The following NFIB variants were observed in gnomAD, a reference collection of about 807,000 sequenced individuals.
The protein encoded by NFIB is nuclear factor 1 B-type.
Under a neutral mutation model 61.5 loss-of-function variants are expected in NFIB, and 11 were observed. The ratio of observed to expected loss-of-function variants is 0.18; its 90% CI spans 0.11 to 0.30. NFIB has a LOEUF of 0.30. Ranked by LOEUF, NFIB falls within the 10% of genes least tolerant of loss-of-function variation. The pLI is 1.00. For missense variants in NFIB, 471 were observed against 608.9 expected, an observed-to-expected ratio of 0.77 and a Z score of 2.38; for synonymous variants, 260 against 216.5, an observed-to-expected ratio of 1.20 and a Z score of -1.76.
intron 1 of NFIB, among the ~76,000 whole-genome samples, chr9:14,319,219 G>A (rs1287676167): frequency 6.6e-6 from 1 of 150,468 alleles, no homozygotes; most frequent in Non-Finnish European, 1.5e-5. Flanking sequence ...CCCACTAAGT[G>A]TGTCTACATT....
intron 2 of NFIB, among the ~76,000 whole-genome samples, chr9:14,286,368 T>C (rs1304586143): frequency 6.6e-6 from 1 of 152,136 alleles, no homozygotes; most frequent in Non-Finnish European, 1.5e-5. Context: ...TCCAACCTCC[T>C]GCAAAAAAAG....
the NFIB span, among the ~76,000 whole-genome samples, chr9:14,504,064 T>C: frequency 1.3e-5 from 2 of 152,212 alleles, no homozygotes; most frequent in Admixed American, 6.5e-5. Context: ...ACACCATTTG[T>C]TGAATATGAT....
At chr9:14,259,614 T>C (rs1039054187) in intron 2 of NFIB, among the ~76,000 whole-genome samples, 4 of 152,098 alleles carry the variant, frequency 2.6e-5, no homozygotes, top group Non-Finnish European at 5.9e-5. Flanking sequence ...TTAAAAGGTA[T>C]TGGTGGCCGG....
In NFIB at chr9:14,083,535, A is replaced by G. The variant is rs2032372759; in HGVS notation, c.*4774T>C. On this transcript the variant is annotated 3_prime_UTR_variant, in exon 11 of 11. Transcript: ENST00000380953. ...AGAAACCCAATTTCTTAAAGTCCAG[A>G]AAGCATGCAGCTGGTTAATGTTAAC... The G allele has an allele frequency of 4.4e-6, 1 of 226,986 alleles. No homozygotes were observed. The highest frequency in any genetic ancestry group is 1.8e-4 in the South Asian group (1 of 5,488). 14.1% of individuals were successfully genotyped at this position (226,986 alleles called of 1,614,324 possible). A position where few individuals can be genotyped will look rare whatever the true frequency, so the allele number is the denominator to read the frequency against.
chr9:14,524,680 T>C, the NFIB span, among the ~76,000 whole-genome samples: 8 of 152,316 alleles, frequency 5.3e-5, no homozygotes, highest in Non-Finnish European at 1.2e-4. Context: ...TAGCAGTGCA[T>C]TGTTATCTGA....
chr9:14,426,473 A>T, the NFIB span, among the ~76,000 whole-genome samples: 1 of 152,106 alleles, frequency 6.6e-6, no homozygotes, highest in African/African-American at 2.4e-5. Context: ...TCATTGTTGT[A>T]TCTTCATGTT....
chr9:14,260,981 C>G (rs959415798), intron 2 of NFIB, among the ~76,000 whole-genome samples: 1 of 57,626 alleles, frequency 1.7e-5, no homozygotes, highest in Non-Finnish European at 4.0e-5. Flanking sequence ...TTGGTGGAAT[C>G]CAGGAAAGGA....
intron 2 of NFIB, among the ~76,000 whole-genome samples, chr9:14,248,661 G>A (rs1053319991): frequency 2.0e-5 from 3 of 152,128 alleles, no homozygotes; most frequent in East Asian, 1.9e-4. Flanking sequence ...GGTGTCTCGT[G>A]ATCCTCCTCT....
chr9:14,399,308 G>A (rs73419691), upstream of NFIB, among the ~76,000 whole-genome samples: 2,296 of 152,252 alleles, frequency 0.015, 70 homozygotes, highest in African/African-American at 0.051. Flanking sequence ...TGGAATAATA[G>A]GACACGATGT....
At chr9:14,247,448 T>C (rs773683984) in intron 2 of NFIB, among the ~76,000 whole-genome samples, 2 of 152,074 alleles carry the variant, frequency 1.3e-5, no homozygotes, top group Non-Finnish European at 2.9e-5. Flanking sequence ...ATCCCTGACC[T>C]AGAAAAAAGG....
the NFIB span, among the ~76,000 whole-genome samples, chr9:14,466,443 C>T: frequency 3.4e-5 from 5 of 147,164 alleles, no homozygotes; most frequent in Admixed American, 2.0e-4. Flanking sequence ...CACTCTGGAT[C>T]GCACCATCCT....
At chr9:14,442,046 G>A in the NFIB span, among the ~76,000 whole-genome samples, 32 of 152,212 alleles carry the variant, frequency 2.1e-4, no homozygotes, top group Admixed American at 1.8e-3. Flanking sequence ...GAGAACCTTC[G>A]GTATGATTTT....
At chr9:14,485,700 C>A in the NFIB span, among the ~76,000 whole-genome samples, 1 of 152,076 alleles carries the variant, frequency 6.6e-6, no homozygotes, top group Non-Finnish European at 1.5e-5. Flanking sequence ...CATGCTGAAA[C>A]CCCATCTCTA....
intron 2 of NFIB, among the ~76,000 whole-genome samples, chr9:14,228,485 A>C (rs1343156023): frequency 6.6e-6 from 1 of 152,132 alleles, no homozygotes; most frequent in East Asian, 1.9e-4. Flanking sequence ...TCCGGCCACG[A>C]TTCTTAATAG....
Position 14,245,780 on chromosome 9 carries a change from C to T in NFIB, c.562+61209G>A, listed in dbSNP as rs1039656640. Among the ~76,000 whole-genome samples the T allele has an allele frequency of 7.2e-5, 11 of 151,864 alleles. No homozygotes were observed. In the South Asian group the frequency reaches 8.3e-4, roughly 11 times the overall value. On this transcript the variant is annotated intron_variant, in intron 2 of 10. Transcript: ENST00000380953. ...CCCAGCTACTTGGGAGGCTGAGGCA[C>T]GAGAATCGCTTGAACCCGGGAGGCA...
At chr9:14,102,764 A>ATT (rs2035967533) in intron 10 of NFIB, among the ~76,000 whole-genome samples, 1 of 152,256 alleles carries the variant, frequency 6.6e-6, no homozygotes, top group Admixed American at 6.5e-5. Flanking sequence ...TGCTTAGAAC[A>ATT]TAACAATTAG....
chr9:14,095,710 A>T (rs981385800), intron 10 of NFIB, among the ~76,000 whole-genome samples: 5 of 152,196 alleles, frequency 3.3e-5, no homozygotes, highest in African/African-American at 1.2e-4. Flanking sequence ...TAAAAGCAAA[A>T]ATCAGCATTA....
At chr9:14,197,763 C>T (rs1462532818) in intron 2 of NFIB, among the ~76,000 whole-genome samples, 2 of 152,040 alleles carry the variant, frequency 1.3e-5, no homozygotes, top group Non-Finnish European at 2.9e-5. Flanking sequence ...GAGGCTGCAG[C>T]GCTTTAGCAA....
chr9:14,233,421 CTT>C (rs766595252), intron 2 of NFIB, among the ~76,000 whole-genome samples: 10,405 of 108,702 alleles, frequency 0.096, 529 homozygotes, highest in South Asian at 0.16. Flanking sequence ...TGCTATTATT[CTT>C]TTTTTTTTTT....
Sources: gnomAD v4.1 joint callset for allele counts (sites outside exome capture counted in the v4.1 genomes callset) on GRCh38, gnomAD v4.1.1 for gene constraint, MANE v1.5 for transcripts, NCBI Gene and HGNC (gene_info 2026-07-23, HGNC 2026-07-21) for gene names.